NAA20: variants seen among roughly 807,000 people sequenced by gnomAD.
NAA20 encodes N-alpha-acetyltransferase 20, NatB catalytic subunit, also known as N-alpha-acetyltransferase 20.
NAA20 carries 24 observed loss-of-function variants against 23.8 expected under a neutral mutation model. The observed-to-expected ratio is 1.01, with a 90% CI of 0.73 to 1.42. The LOEUF (loss-of-function observed/expected upper bound fraction) is 1.42. Among genes scored for constraint, NAA20 ranks in the 40% most tolerant of loss-of-function variants. NAA20 has a pLI of 0.00. For synonymous variants in NAA20, 83 were observed against 77.7 expected (o/e 1.07, Z -0.36); for missense variants, 166 against 223.1 (o/e 0.74, Z 1.63).
intron 4 of NAA20, among the ~76,000 whole-genome samples, chr20:20,028,076 T>C (rs1187924023): frequency 1.3e-5 from 2 of 152,178 alleles, no homozygotes; most frequent in Non-Finnish European, 2.9e-5. Context: ...GCAAAGGAGC[T>C]CAAACTCATT....
intron 1 of NAA20, chr20:20,018,188 C>T: frequency 8.8e-7 from 1 of 1,138,130 alleles, no homozygotes; most frequent in Non-Finnish European, 1.3e-6. Context: ...AAGGCCAGAC[C>T]TCTGATTTGC....
chr20:20,017,523 GCCGCGCCTTC>G, intron 1 of NAA20, 74 bp downstream of exon 1: 2 of 1,538,218 alleles, frequency 1.3e-6, no homozygotes, highest in Non-Finnish European at 1.8e-6. Flanking sequence ...TCCGGCCCCA[GCCGCGCCTTC>G]CCGGCCGGAC....
At chr20:20,028,970 C>T (rs549966913) in intron 4 of NAA20, among the ~76,000 whole-genome samples, 30 of 152,204 alleles carry the variant, frequency 2.0e-4, no homozygotes, top group Middle Eastern at 6.8e-3. Context: ...TGCTCTGTTG[C>T]TCAGGCTGGA....
intron 1 of NAA20, among the ~76,000 whole-genome samples, chr20:20,021,410 C>T (rs763228542): frequency 3.3e-5 from 5 of 152,258 alleles, no homozygotes; most frequent in South Asian, 2.1e-4. Context: ...TTGAGAATCC[C>T]GTTGTCTTTT....
chr20:20,017,892 C>T (rs2043242516), intron 1 of NAA20: 5 of 1,594,782 alleles, frequency 3.1e-6, no homozygotes, highest in Non-Finnish European at 3.4e-6. Context: ...ACGGCCAGGC[C>T]GCAGAGGGGG....
intron 2 of NAA20, among the ~76,000 whole-genome samples, chr20:20,023,158 C>T (rs1294416567): frequency 6.6e-6 from 1 of 152,086 alleles, no homozygotes; most frequent in Non-Finnish European, 1.5e-5. Flanking sequence ...CGTGGTGGCT[C>T]ACTCCGTAAT....
chr20:20,021,593 G>A (rs987123897), intron 1 of NAA20, among the ~76,000 whole-genome samples: 2 of 152,018 alleles, frequency 1.3e-5, no homozygotes, highest in Non-Finnish European at 2.9e-5. Context: ...TAGATATTAC[G>A]CGTATAAACA....
In NAA20 at chr20:20,021,047, G is replaced by T. The variant is rs1255600128; in HGVS notation, c.54-1409G>T. ...GCGTGGGTTCGGTGGGCGGGGGGGGGGGGGGACTTTGGCAAAGACTTCTTC... is the reference window on the plus strand; with the variant it reads ...GCGTGGGTTCGGTGGGCGGGGGGGGTGGGGGACTTTGGCAAAGACTTCTTC... On this transcript the variant is annotated intron_variant, in intron 1 of 5. Transcript: ENST00000334982. 1.2e-4 allele frequency among the ~76,000 whole-genome samples: 17 copies of T among 137,092 alleles called. 1 individual carries two copies. Among genetic ancestry groups the T allele is most frequent in the African/African-American group, 4.5e-4 (17 of 38,124 alleles). The allele number at this position is 137,092 out of a possible 152,430, so 89.9% of individuals were successfully genotyped here.
At position 20,025,700 on chromosome 20, in the gene NAA20, A is replaced by G. The variant is rs547842590; in HGVS notation, c.102A>G (p.Gln34=). ...TETYGIPFYL[Q]YLAHWPEYFI... ...AGTATGGGATTCCTTTCTACCTACA[A>G]TACCTCGCCCACTGGCCAGAGTATT... Residue 34 remains glutamine, a synonymous_variant, in exon 3 of 6, where the codon CAA becomes CAG. Coordinates refer to ENST00000334982, the MANE Select transcript of NAA20 (RefSeq NM_016100.5). The G allele has an allele frequency of 1.9e-6, 3 of 1,611,910 alleles. No individual in the cohort carries two copies. The African/African-American group carries it at 4.0e-5, about 21-fold the overall frequency.
chr20:20,028,233 A>G (rs1412959101), intron 4 of NAA20, among the ~76,000 whole-genome samples: 1 of 152,192 alleles, frequency 6.6e-6, no homozygotes, highest in Non-Finnish European at 1.5e-5. Context: ...ATGTTGAAAA[A>G]AAGTATTTGG....
chr20:20,026,017 T>C (rs1397488706), intron 3 of NAA20, among the ~76,000 whole-genome samples: 1 of 151,976 alleles, frequency 6.6e-6, no homozygotes, highest in African/African-American at 2.4e-5. Flanking sequence ...AAATCTTTCA[T>C]TCTAAGGCCA....
At chr20:20,023,622 T>C (rs2043286905) in intron 2 of NAA20, among the ~76,000 whole-genome samples, 1 of 151,926 alleles carries the variant, frequency 6.6e-6, no homozygotes, top group Non-Finnish European at 1.5e-5. Flanking sequence ...TTCTGTGTTA[T>C]GCTCTGTATC....
At chr20:20,024,577 G>A (rs1030419686) in intron 2 of NAA20, among the ~76,000 whole-genome samples, 25 of 152,186 alleles carry the variant, frequency 1.6e-4, no homozygotes, top group Non-Finnish European at 2.6e-4. Flanking sequence ...ATGCAAATCC[G>A]TTTATATGGT....
chr20:20,032,489 T>G lies in NAA20; in HGVS notation c.306-19T>G, dbSNP rs748210665. 1.9e-6 allele frequency: 3 copies of G among 1,605,626 alleles called. No individual in the cohort carries two copies. Among genetic ancestry groups the G allele is most frequent in the Non-Finnish European group, 2.5e-6 (3 of 1,176,826 alleles). On this transcript the variant is annotated intron_variant, in intron 4 of 5. Transcript: ENST00000334982. The stretch of plus-strand genomic sequence containing the variant: ...TTTCTCACATTCTAACATTTTCCTT[T>G]TTTGTTTTTCTTTTAAAGAAAGGGT...
intron 1 of NAA20, among the ~76,000 whole-genome samples, chr20:20,021,183 TGTG>T (rs1301039707): frequency 6.6e-6 from 1 of 151,786 alleles, no homozygotes; most frequent in Non-Finnish European, 1.5e-5. Flanking sequence ...CGTCGAAAGG[TGTG>T]GTGGAGTGAC....
At chr20:20,030,800 A>G (rs1352509907) in intron 4 of NAA20, among the ~76,000 whole-genome samples, 1 of 152,110 alleles carries the variant, frequency 6.6e-6, no homozygotes, top group Non-Finnish European at 1.5e-5. Flanking sequence ...TTTAGAATTA[A>G]TAAAAGGTAG....
intron 1 of NAA20, among the ~76,000 whole-genome samples, chr20:20,019,347 G>C (rs1371582318): frequency 6.6e-6 from 1 of 152,172 alleles, no homozygotes; most frequent in Non-Finnish European, 1.5e-5. Flanking sequence ...ACGATGACTT[G>C]ACAGAGGCTT....
chr20:20,018,207 ATT>A (rs11478281), intron 1 of NAA20: 4,923 of 623,380 alleles, frequency 7.9e-3, no homozygotes, highest in East Asian at 0.016. Context: ...GCAGGTACCA[ATT>A]TTTTTTTTTT....
At chr20:20,017,296 AC>A, upstream of NAA20, 3 of 1,500,418 alleles carry the variant, frequency 2.0e-6, no homozygotes, top group Non-Finnish European at 2.7e-6. Context: ...CGGAAGCAGT[AC>A]CCCGTCTCGC....
Sources: allele counts gnomAD v4.1 joint callset (sites outside exome capture counted in the v4.1 genomes callset), GRCh38; gene constraint gnomAD v4.1.1; transcripts MANE v1.5; gene names NCBI Gene and HGNC (gene_info 2026-07-23, HGNC 2026-07-21).